The following ADARB2 variants were observed in gnomAD, a reference collection of about 807,000 sequenced individuals.
ADARB2 encodes the protein adenosine deaminase RNA specific B2 (inactive), also known as inactive double-stranded RNA-specific editase B2.
Under a neutral mutation model 62.2 loss-of-function variants are expected in ADARB2, and 25 were observed. The observed-to-expected ratio is 0.40, with a 90% CI of 0.29 to 0.56. The LOEUF (loss-of-function observed/expected upper bound fraction) is 0.56. Ranked by LOEUF, ADARB2 falls within the 20% of genes least tolerant of loss-of-function variation. The pLI, the probability that ADARB2 is intolerant of heterozygous loss-of-function variation, is 0.43. For missense variants in ADARB2, 1,071 were observed against 1,077.4 expected (o/e 0.99, Z 0.08); for synonymous variants, 572 against 500.8 (o/e 1.14, Z -1.90).
At chr10:1,592,827 C>T (rs71500151) in intron 1 of ADARB2, among the ~76,000 whole-genome samples, 7 of 9,270 alleles carry the variant, frequency 7.6e-4, no homozygotes, top group Admixed American at 1.3e-3. Flanking sequence ...CAGCTTCCCT[C>T]GCCCAAGCCA....
intron 4 of ADARB2, among the ~76,000 whole-genome samples, chr10:1,267,002 G>A (rs1451380894): frequency 6.6e-6 from 1 of 151,916 alleles, no homozygotes; most frequent in African/African-American, 2.4e-5. Flanking sequence ...AAAATTAATA[G>A]AGTGTTGCAA....
chr10:1,410,373 C>T (rs184128882), intron 1 of ADARB2, among the ~76,000 whole-genome samples: 2 of 152,244 alleles, frequency 1.3e-5, no homozygotes, highest in East Asian at 1.9e-4. Context: ...AAGGATTCTC[C>T]TCGCTGCTGC....
intron 1 of ADARB2, among the ~76,000 whole-genome samples, chr10:1,530,280 G>A (rs892554385): frequency 6.6e-6 from 1 of 152,180 alleles, no homozygotes; most frequent in African/African-American, 2.4e-5. Flanking sequence ...CCAGGTGAAG[G>A]GACATTGTTC....
chr10:1,713,112 C>T (rs992635187), intron 1 of ADARB2, among the ~76,000 whole-genome samples: 13 of 152,126 alleles, frequency 8.5e-5, no homozygotes, highest in Non-Finnish European at 1.3e-4. Context: ...AGGAGTCAGG[C>T]GATGGAGGCT....
chr10:1,462,007 A>G (rs1831180763), intron 1 of ADARB2, among the ~76,000 whole-genome samples: 1 of 152,188 alleles, frequency 6.6e-6, no homozygotes, highest in Admixed American at 6.5e-5. Flanking sequence ...ATCTCAAAAA[A>G]ATATTTTAGT....
intron 1 of ADARB2, among the ~76,000 whole-genome samples, chr10:1,690,552 T>G (rs1336134419): frequency 1.3e-5 from 2 of 152,236 alleles, no homozygotes; most frequent in African/African-American, 4.8e-5. Flanking sequence ...CCTTCTACAG[T>G]GCAAGGGGTT....
chr10:1,243,430 A>G (rs1366236285), intron 4 of ADARB2, among the ~76,000 whole-genome samples: 1 of 152,252 alleles, frequency 6.6e-6, no homozygotes, highest in Non-Finnish European at 1.5e-5. Flanking sequence ...ATGTCACGCC[A>G]GAAGCAGGCT....
chr10:1,571,362 C>T (rs1286607119), intron 1 of ADARB2, among the ~76,000 whole-genome samples: 1 of 151,736 alleles, frequency 6.6e-6, no homozygotes, highest in Non-Finnish European at 1.5e-5. Flanking sequence ...GTGCTTGATA[C>T]TGATACTATA....
intron 1 of ADARB2, among the ~76,000 whole-genome samples, chr10:1,548,875 G>A (rs1013651232): frequency 2.0e-5 from 3 of 152,204 alleles, no homozygotes; most frequent in Non-Finnish European, 4.4e-5. Context: ...TATTAAAAGG[G>A]ACAAGTGAGT....
chr10:1,350,504 C>A (rs1007849114), intron 3 of ADARB2, among the ~76,000 whole-genome samples: 3 of 152,194 alleles, frequency 2.0e-5, no homozygotes, highest in African/African-American at 7.2e-5. Context: ...CAGTTTCGTT[C>A]CGTGACTAGC....
In ADARB2 at chr10:1,737,303, GT is replaced by G; in HGVS notation, c.-154del. On this transcript the variant is annotated 5_prime_UTR_variant, in exon 1 of 10. Transcript: ENST00000381312. ...AGGACTGAGCAGGAAAGCGCGCTCC[GT>G]CTCTCTGTCTCTCGAATTGTTCTCT... The G allele has an allele frequency of 1.5e-6, 1 of 682,604 alleles. No individual in the cohort carries two copies. The highest frequency in any genetic ancestry group is 2.7e-5 in the East Asian group (1 of 36,602). The allele number at this position is 682,604 out of a possible 1,614,324, so 42.3% of individuals were successfully genotyped here.
Position 1,356,854 on chromosome 10 carries a change from G to C in ADARB2, c.1077+6174C>G, listed in dbSNP as rs180829306. ...GATTTTTCTCCTTAAGTAAGTTATG[G>C]AATTATTGAAAACCATTAGGAAGGA... On this transcript the variant is annotated intron_variant, in intron 3 of 9. Coordinates refer to ENST00000381312, the MANE Select transcript of ADARB2 (RefSeq NM_018702.4). 1.5e-3 allele frequency among the ~76,000 whole-genome samples: 226 copies of C among 152,308 alleles called. 2 individuals are homozygous for C. The highest frequency in any genetic ancestry group is 5.2e-3 in the African/African-American group (216 of 41,560).
At chr10:1,262,952 T>TA (rs916267641) in intron 4 of ADARB2, among the ~76,000 whole-genome samples, 4 of 151,902 alleles carry the variant, frequency 2.6e-5, no homozygotes, top group East Asian at 3.9e-4. Flanking sequence ...TATGCAGCCA[T>TA]AAAAAATGAT....
intron 1 of ADARB2, among the ~76,000 whole-genome samples, chr10:1,450,416 C>T (rs1662696130): frequency 6.6e-6 from 1 of 152,246 alleles, no homozygotes; most frequent in African/African-American, 2.4e-5. Context: ...AGAGCTGCCC[C>T]TGCCTCCCAC....
At chr10:1,492,903 G>A (rs1430026089) in intron 1 of ADARB2, among the ~76,000 whole-genome samples, 2 of 152,096 alleles carry the variant, frequency 1.3e-5, no homozygotes, top group Admixed American at 6.6e-5. Flanking sequence ...AACACAGGTC[G>A]CTGCTGACAC....
At chr10:1,243,943 C>T (rs1830952693) in intron 4 of ADARB2, among the ~76,000 whole-genome samples, 1 of 152,234 alleles carries the variant, frequency 6.6e-6, no homozygotes. Context: ...AGGAAGTGAC[C>T]AGACTTCCCC....
chr10:1,371,784 T>TAAAAAAA (rs71379114), intron 2 of ADARB2, among the ~76,000 whole-genome samples: 28 of 125,768 alleles, frequency 2.2e-4, no homozygotes, highest in African/African-American at 4.1e-4. Context: ...TATTAAAAAG[T>TAAAAAAA]AAAAAAAAAA....
intron 1 of ADARB2, among the ~76,000 whole-genome samples, chr10:1,503,521 A>G (rs1831793733): frequency 6.6e-6 from 1 of 152,080 alleles, no homozygotes; most frequent in Non-Finnish European, 1.5e-5. Context: ...TGAGCCCTTC[A>G]CATTCATTGT....
At chr10:1,666,197 G>A (rs1291282915) in intron 1 of ADARB2, among the ~76,000 whole-genome samples, 4 of 152,212 alleles carry the variant, frequency 2.6e-5, no homozygotes, top group Non-Finnish European at 4.4e-5. Context: ...GGGAGGGAGA[G>A]GAAGACCCCG....
Sources: allele counts gnomAD v4.1 joint callset (sites outside exome capture counted in the v4.1 genomes callset), GRCh38; gene constraint gnomAD v4.1.1; transcripts MANE v1.5; gene names NCBI Gene and HGNC (gene_info 2026-07-23, HGNC 2026-07-21).